The following GTF2I variants were observed in gnomAD, a reference collection of about 807,000 sequenced individuals.
GTF2I encodes general transcription factor IIi, also known as general transcription factor II-I.
A neutral mutation model predicts 67.6 loss-of-function variants in GTF2I; 12 were observed. The observed-to-expected ratio is 0.18, with a 90% CI of 0.11 to 0.29. The LOEUF is 0.29. Among genes scored for constraint, GTF2I ranks in the 10% least tolerant of loss-of-function variants. The pLI is 1.00. For synonymous variants in GTF2I, 149 were observed against 197.0 expected (o/e 0.76, Z 2.04); for missense variants, 271 against 580.1 (o/e 0.47, Z 5.47).
At chr7:74,726,679 AC>A (rs1283305710) in intron 12 of GTF2I, 1 of 152,216 alleles carries the variant, frequency 6.6e-6, no homozygotes, top group Admixed American at 6.5e-5. Context: ...CCCTGTCCCT[AC>A]AAAAAATTAA....
chr7:74,676,728 TTAATAA>T (rs1554392497), intron 1 of GTF2I, among the ~76,000 whole-genome samples: 1 of 152,146 alleles, frequency 6.6e-6, no homozygotes, highest in African/African-American at 2.4e-5. Context: ...CTTTTAGTAC[TTAATAA>T]TTATAGGGAG....
chr7:74,679,276 A>G (rs1426501288), intron 1 of GTF2I, among the ~76,000 whole-genome samples: 3 of 151,742 alleles, frequency 2.0e-5, no homozygotes, highest in Non-Finnish European at 4.4e-5. Context: ...GGGTTTCACC[A>G]TGTTGGCCAG....
chr7:74,675,422 T>G (rs1805812955), intron 1 of GTF2I, among the ~76,000 whole-genome samples: 1 of 152,222 alleles, frequency 6.6e-6, no homozygotes, highest in South Asian at 2.1e-4. Context: ...GTTCTCCTTT[T>G]TTTTAAAAGA....
At chr7:74,750,075 C>T (rs1331344870) in intron 26 of GTF2I, among the ~76,000 whole-genome samples, 2 of 111,168 alleles carry the variant, frequency 1.8e-5, no homozygotes, top group African/African-American at 5.8e-5. Context: ...TTTTATTTCT[C>T]CAACTTAATA....
intron 1 of GTF2I, among the ~76,000 whole-genome samples, chr7:74,658,273 C>CGAGCCCCGCCGGCCTT (rs1221552758): frequency 6.7e-6 from 1 of 150,118 alleles, no homozygotes; most frequent in African/African-American, 2.4e-5. Flanking sequence ...CGCCGGGTCT[C>CGAGCCCCGCCGGCCTT]GAGCCCCGCC....
intron 12 of GTF2I, among the ~76,000 whole-genome samples, chr7:74,720,741 ATT>A (rs35442354): frequency 2.3e-5 from 3 of 132,340 alleles, no homozygotes; most frequent in Non-Finnish European, 4.7e-5. Flanking sequence ...TAGAAGCTGT[ATT>A]TTTTTTTTTT....
intron 3 of GTF2I, among the ~76,000 whole-genome samples, chr7:74,692,785 G>A (rs1037781857): frequency 1.3e-5 from 2 of 152,032 alleles, no homozygotes; most frequent in South Asian, 2.1e-4. Context: ...TTTTTGAGAC[G>A]GAGTTTTGCT....
chr7:74,697,514 C>T (rs587597958), intron 3 of GTF2I, among the ~76,000 whole-genome samples: 1 of 152,270 alleles, frequency 6.6e-6, no homozygotes, highest in South Asian at 2.1e-4. Flanking sequence ...GTTGCAAGTG[C>T]CACATGTATC....
intron 1 of GTF2I, among the ~76,000 whole-genome samples, chr7:74,671,717 C>T (rs587737654): frequency 6.6e-6 from 1 of 152,174 alleles, no homozygotes; most frequent in Non-Finnish European, 1.5e-5. Flanking sequence ...CATGGTGTCT[C>T]ACGCCTGTAA....
chr7:74,670,434 C>T (rs942411043), intron 1 of GTF2I, among the ~76,000 whole-genome samples: 8 of 152,100 alleles, frequency 5.3e-5, no homozygotes, highest in East Asian at 1.9e-4. Flanking sequence ...GGGTGGCTCA[C>T]GCCTGTAATC....
chr7:74,659,802 C>T (rs1186568877), intron 1 of GTF2I, among the ~76,000 whole-genome samples: 3 of 152,150 alleles, frequency 2.0e-5, no homozygotes, highest in Admixed American at 6.6e-5. Context: ...TTAGGCCTCC[C>T]AAAGTGGTGG....
At chr7:74,694,180 C>T (rs1218206091) in intron 3 of GTF2I, among the ~76,000 whole-genome samples, 1 of 152,168 alleles carries the variant, frequency 6.6e-6, no homozygotes, top group Non-Finnish European at 1.5e-5. Flanking sequence ...TAAGCCACAG[C>T]GTAATCCAGA....
chr7:74,683,330 T>C (rs1554394567), intron 1 of GTF2I, among the ~76,000 whole-genome samples: 1 of 152,118 alleles, frequency 6.6e-6, no homozygotes, highest in Admixed American at 6.5e-5. Context: ...AGCCAAAATA[T>C]AATGACACCA....
chr7:74,678,984 C>G (rs1452255575), intron 1 of GTF2I, among the ~76,000 whole-genome samples: 1 of 151,936 alleles, frequency 6.6e-6, no homozygotes, highest in Admixed American at 6.6e-5. Context: ...GTTGGCCAGG[C>G]TGGTCTCGAA....
chr7:74,672,900 G>C (rs1158979882), intron 1 of GTF2I, among the ~76,000 whole-genome samples: 1 of 152,118 alleles, frequency 6.6e-6, no homozygotes, highest in Non-Finnish European at 1.5e-5. Flanking sequence ...TCATTCTGCT[G>C]CCCAGGCTGG....
intron 3 of GTF2I, 42 bp from the exon 4 acceptor site, chr7:74,698,919 C>G (rs1554399110): frequency 1.9e-6 from 2 of 1,042,234 alleles, no homozygotes; most frequent in African/African-American, 3.3e-5. Flanking sequence ...GGATATGGAC[C>G]TTATTATTAT....
At chr7:74,730,694 CT>C (rs1209014682) in intron 14 of GTF2I, among the ~76,000 whole-genome samples, 5 of 136,042 alleles carry the variant, frequency 3.7e-5, no homozygotes, top group South Asian at 2.5e-4. Flanking sequence ...TGAGATCCCC[CT>C]ATTGTCTCTA....
In GTF2I at chr7:74,730,838, C is replaced by T. The variant is rs1323846303; in HGVS notation, c.1120+544C>T. On this transcript the variant is annotated intron_variant, in intron 14 of 34. Transcript: ENST00000573035. ...TCTCCTGGCTCAGTCTCCCAAGCAGCTGGGACTACAGGTGCCCGCCACCAT... is the reference window on the plus strand; with the variant it reads ...TCTCCTGGCTCAGTCTCCCAAGCAGTTGGGACTACAGGTGCCCGCCACCAT... Among the ~76,000 whole-genome samples the T allele has an allele frequency of 1.1e-4, 15 of 136,948 alleles. No individual in the cohort carries two copies. In the East Asian group the frequency reaches 3.6e-3, roughly 33 times the overall value. 89.8% of individuals were successfully genotyped at this position (136,948 alleles called of 152,430 possible).
chr7:74,721,127 C>T (rs782706844), intron 12 of GTF2I, among the ~76,000 whole-genome samples: 3 of 152,154 alleles, frequency 2.0e-5, no homozygotes, highest in Admixed American at 2.0e-4. Flanking sequence ...CCGCAACCTC[C>T]GCCTCGCAGG....
Sources: gnomAD v4.1 joint callset for allele counts (sites outside exome capture counted in the v4.1 genomes callset) on GRCh38, gnomAD v4.1.1 for gene constraint, MANE v1.5 for transcripts, NCBI Gene and HGNC (gene_info 2026-07-23, HGNC 2026-07-21) for gene names.